Variants in ZNF431 observed in about 807,000 individuals in gnomAD.
The protein encoded by ZNF431 is zinc finger protein 431.
A neutral mutation model predicts 57.0 loss-of-function variants in ZNF431; 34 were observed. The observed-to-expected ratio is 0.60, with a 90% CI of 0.45 to 0.79. The LOEUF (loss-of-function observed/expected upper bound fraction) is 0.79. Among genes scored for constraint, ZNF431 ranks in the 30% least tolerant of loss-of-function variants. ZNF431 has a pLI of 0.00. For missense variants in ZNF431, 607 were observed against 667.1 expected, an observed-to-expected ratio of 0.91 and a Z score of 0.99; for synonymous variants, 207 against 220.3, an observed-to-expected ratio of 0.94 and a Z score of 0.54.
chr19:21,143,975 A>G (rs1430977050), intron 2 of ZNF431, among the ~76,000 whole-genome samples: 2 of 152,048 alleles, frequency 1.3e-5, no homozygotes, highest in African/African-American at 4.8e-5. Context: ...GAAATACTGC[A>G]GTGTCTCCTG....
chr19:21,190,852 G>A lies in ZNF431; in HGVS notation c.*6818G>A, dbSNP rs1387798652. 1 of 151,614 alleles carries A rather than the reference G, an allele frequency of 6.6e-6. No individual in the cohort carries two copies. The highest frequency in any genetic ancestry group is 1.5e-5 in the Non-Finnish European group (1 of 67,930). The allele number at this position is 151,614 out of a possible 1,614,324, so 9.4% of individuals were successfully genotyped here. On this transcript the variant is annotated 3_prime_UTR_variant, in exon 5 of 5. Transcript: ENST00000311048. ...AATTTTGTATTTTTAGTAGAGACGG[G>A]GTTTTTCTATATTGGTCAGGCTGGT...
In ZNF431 at chr19:21,155,844, C is replaced by T. The variant is rs529456472; in HGVS notation, c.97-10491C>T. The stretch of plus-strand genomic sequence containing the variant: ...GAAGGAAGATATCCCAGAGCCCTGT[C>T]CTGGTATAAAATGAGTGTCTGCAAA... On this transcript the variant is annotated intron_variant, in intron 2 of 4. Coordinates refer to ENST00000311048, the MANE Select transcript of ZNF431 (RefSeq NM_133473.4). Among the ~76,000 whole-genome samples the T allele has an allele frequency of 5.3e-5, 8 of 152,232 alleles. No individual in the cohort carries two copies. In the South Asian group the frequency reaches 1.5e-3, roughly 28 times the overall value.
chr19:21,157,657 G>A lies in ZNF431; in HGVS notation c.97-8678G>A, dbSNP rs527635441. On this transcript the variant is annotated intron_variant, in intron 2 of 4. Coordinates refer to ENST00000311048, the MANE Select transcript of ZNF431 (RefSeq NM_133473.4). Reference sequence around the variant, plus strand: ...AGCTATTCTCCTGCCTCAGCCTCCCGAGTAGCTGGGATTACAGGTGTGCGC... The same window carrying A: ...AGCTATTCTCCTGCCTCAGCCTCCCAAGTAGCTGGGATTACAGGTGTGCGC... 7.3e-5 allele frequency among the ~76,000 whole-genome samples: 11 copies of A among 151,158 alleles called. No individual in the cohort carries two copies. In the South Asian group the frequency reaches 2.3e-3, roughly 32 times the overall value.
chr19:21,144,946 A>G (rs1476627551), intron 2 of ZNF431, among the ~76,000 whole-genome samples: 3 of 151,836 alleles, frequency 2.0e-5, no homozygotes, highest in East Asian at 1.9e-4. Context: ...GTATTCCCAT[A>G]TAACTGTTTA....
intron 2 of ZNF431, chr19:21,150,015 T>G: frequency 1.7e-6 from 1 of 589,980 alleles, no homozygotes. Flanking sequence ...ACCAAGGTGG[T>G]GACAGTGTTA....
chr19:21,143,984 T>C (rs1377469812), intron 2 of ZNF431, among the ~76,000 whole-genome samples: 3 of 150,978 alleles, frequency 2.0e-5, no homozygotes, highest in African/African-American at 7.3e-5. Flanking sequence ...CAGTGTCTCC[T>C]GTATGGGTGG....
intron 2 of ZNF431, among the ~76,000 whole-genome samples, chr19:21,164,106 C>T (rs1970652524): frequency 1.3e-5 from 2 of 150,242 alleles, no homozygotes; most frequent in Non-Finnish European, 3.0e-5. Context: ...TTGCAGAAAT[C>T]TCTTTACTTG....
intron 2 of ZNF431, among the ~76,000 whole-genome samples, chr19:21,144,592 C>T (rs1175187823): frequency 1.3e-5 from 2 of 152,116 alleles, no homozygotes; most frequent in Non-Finnish European, 2.9e-5. Context: ...GTTAAAAATT[C>T]TCATTTACCT....
At chr19:21,163,038 GC>G (rs1334744558) in intron 2 of ZNF431, among the ~76,000 whole-genome samples, 1 of 152,132 alleles carries the variant, frequency 6.6e-6, no homozygotes, top group East Asian at 1.9e-4. Flanking sequence ...AAATAAAAAT[GC>G]TGAACCCTTT....
chr19:21,164,226 CA>C (rs1970655692), intron 2 of ZNF431, among the ~76,000 whole-genome samples: 1 of 151,878 alleles, frequency 6.6e-6, no homozygotes, highest in Non-Finnish European at 1.5e-5. Context: ...ATGAGGGCTT[CA>C]AAATACATTC....
chr19:21,165,626 A>G (rs549657788), intron 2 of ZNF431, among the ~76,000 whole-genome samples: 3 of 152,152 alleles, frequency 2.0e-5, no homozygotes, highest in African/African-American at 7.2e-5. Context: ...AATTATTTTT[A>G]TCTTTATTAT....
intron 4 of ZNF431, among the ~76,000 whole-genome samples, chr19:21,175,258 G>T (rs147729545): frequency 1.4e-3 from 220 of 151,874 alleles, no homozygotes; most frequent in African/African-American, 4.8e-3. Flanking sequence ...TTTTTGCCCT[G>T]TTGTCTAGGT....
chr19:21,183,330 C>A lies in ZNF431; in HGVS notation c.1027C>A (p.Pro343Thr), dbSNP rs754402907. 3 of 1,613,642 alleles carry A rather than the reference C, an allele frequency of 1.9e-6. No individual in the cohort carries two copies. In the African/African-American group the frequency reaches 4.0e-5, roughly 22 times the overall value. ...THKFIHAGEK[P>T]YKCEECDKAF... ...TAAGTTCATTCATGCTGGAGAGAAA[C>A]CCTACAAATGTGAGGAATGTGACAA... Residue 343 changes from proline to threonine, a missense_variant, in exon 5 of 5, where the codon CCC becomes ACC. Pro to Thr is a conservative substitution (Grantham distance 38). Transcript: ENST00000311048.
rs1051042551 is a variant in ZNF431 at position 21,193,626 on chromosome 19, A to G, written c.*9592A>G. On this transcript the variant is annotated 3_prime_UTR_variant, in exon 5 of 5. Coordinates refer to ENST00000311048, the MANE Select transcript of ZNF431 (RefSeq NM_133473.4). ...CTATAGGCCAATATTTTGGGTGAAC[A>G]TTGAAACAAAAATCCTCCATGAAAT... The G allele has an allele frequency of 6.6e-6, 1 of 152,232 alleles. No individual in the cohort carries two copies. The highest frequency in any genetic ancestry group is 1.5e-5 in the Non-Finnish European group (1 of 68,032). The allele number at this position is 152,232 out of a possible 1,614,324, so 9.4% of individuals were successfully genotyped here. A position where few individuals can be genotyped will look rare whatever the true frequency, so the allele number is the denominator to read the frequency against.
intron 2 of ZNF431, 87 bp downstream of exon 2, chr19:21,143,730 G>A: frequency 1.1e-6 from 1 of 889,550 alleles, no homozygotes. Flanking sequence ...GTCCGATGCT[G>A]GCACTGATGG....
chr19:21,164,459 T>C (rs1005007983), intron 2 of ZNF431, among the ~76,000 whole-genome samples: 5 of 152,168 alleles, frequency 3.3e-5, no homozygotes, highest in Non-Finnish European at 5.9e-5. Flanking sequence ...TTCCTGAATC[T>C]CTTCTGTTAT....
chr19:21,154,394 C>T (rs949525470), intron 2 of ZNF431, among the ~76,000 whole-genome samples: 1 of 152,120 alleles, frequency 6.6e-6, no homozygotes, highest in African/African-American at 2.4e-5. Flanking sequence ...GTATATGTGC[C>T]ACATTTTCTT....
At chr19:21,172,595 G>A (rs1246994262) in intron 4 of ZNF431, among the ~76,000 whole-genome samples, 1 of 152,098 alleles carries the variant, frequency 6.6e-6, no homozygotes, top group Non-Finnish European at 1.5e-5. Flanking sequence ...GAGCCCCAAA[G>A]TTTGAGACTA....
intron 2 of ZNF431, among the ~76,000 whole-genome samples, chr19:21,163,261 A>G (rs1037966723): frequency 6.6e-6 from 1 of 152,240 alleles, no homozygotes; most frequent in African/African-American, 2.4e-5. Flanking sequence ...TTTCCTCTGT[A>G]AACTTTAAAG....
Sources: gnomAD v4.1 joint callset for allele counts (sites outside exome capture counted in the v4.1 genomes callset) on GRCh38, gnomAD v4.1.1 for gene constraint, MANE v1.5 for transcripts, NCBI Gene and HGNC (gene_info 2026-07-23, HGNC 2026-07-21) for gene names.